The following SHROOM4 variants were observed in gnomAD, a reference collection of about 807,000 sequenced individuals.
SHROOM4 encodes protein Shroom4.
Under a neutral mutation model 80.3 loss-of-function variants are expected in SHROOM4, and 17 were observed. That is an observed-to-expected ratio of 0.21 (90% CI 0.14 to 0.32). The LOEUF is 0.32. SHROOM4 is among the 10% of genes least tolerant of loss of function. SHROOM4 has a pLI of 1.00. For missense variants in SHROOM4, 993 were observed against 1,140.3 expected (o/e 0.87, Z 1.86); for synonymous variants, 400 against 437.5 (o/e 0.91, Z 1.07).
intron 1 of SHROOM4, among the ~76,000 whole-genome samples, chrX:50,743,715 C>A (rs1468811469): frequency 1.8e-5 from 2 of 111,618 alleles, no homozygotes; most frequent in African/African-American, 6.5e-5. Context: ...CCTTGGCCTC[C>A]CAAAGTGCTG....
chrX:50,689,856 C>A (rs1557262525), intron 2 of SHROOM4, among the ~76,000 whole-genome samples: 1 of 111,804 alleles, frequency 8.9e-6, no homozygotes, highest in African/African-American at 3.2e-5. Flanking sequence ...TCATAGAATT[C>A]CATGTATATA....
intron 1 of SHROOM4, among the ~76,000 whole-genome samples, chrX:50,699,950 C>G (rs1465404817): frequency 1.8e-5 from 2 of 112,253 alleles, no homozygotes; most frequent in Non-Finnish European, 3.8e-5. Flanking sequence ...AGGAGAAACA[C>G]CATCTGCAGC....
At chrX:50,742,653 C>G (rs968655854) in intron 1 of SHROOM4, among the ~76,000 whole-genome samples, 1 of 95,171 alleles carries the variant, frequency 1.1e-5, no homozygotes, top group African/African-American at 4.2e-5. Flanking sequence ...GGGGGGGGGG[C>G]AATCACAGAA....
intron 2 of SHROOM4, among the ~76,000 whole-genome samples, chrX:50,651,519 T>G (rs150059509): frequency 0.013 from 1,410 of 111,713 alleles, 22 homozygotes; most frequent in African/African-American, 0.043. Flanking sequence ...GGAAAGAAAA[T>G]TCTGGGGACC....
intron 2 of SHROOM4, among the ~76,000 whole-genome samples, chrX:50,651,740 A>ACC (rs1932077807): frequency 2.1e-5 from 2 of 93,510 alleles, no homozygotes; most frequent in South Asian, 9.4e-4. Context: ...CTAGCCCCTT[A>ACC]ACCCCCGACA....
chrX:50,763,422 G>T (rs1569548690), intron 1 of SHROOM4, among the ~76,000 whole-genome samples: 1 of 110,982 alleles, frequency 9.0e-6, no homozygotes, highest in Admixed American at 9.7e-5. Flanking sequence ...TTGTACAATG[G>T]TCACACTATT....
chrX:50,744,782 T>C, intron 1 of SHROOM4, among the ~76,000 whole-genome samples: 1 of 112,205 alleles, frequency 8.9e-6, no homozygotes, highest in Non-Finnish European at 1.9e-5. Flanking sequence ...GCTTTTTCTC[T>C]ATTTCTCTTC....
At chrX:50,801,901 G>T (rs1490148432) in intron 1 of SHROOM4, among the ~76,000 whole-genome samples, 1 of 112,222 alleles carries the variant, frequency 8.9e-6, no homozygotes, top group East Asian at 2.8e-4. Flanking sequence ...CTTTTAGCAA[G>T]AAGTGACTTT....
At chrX:50,771,553 C>CTTCTG (rs1217971681) in intron 1 of SHROOM4, among the ~76,000 whole-genome samples, 1 of 111,669 alleles carries the variant, frequency 9.0e-6, no homozygotes, top group Non-Finnish European at 1.9e-5. Flanking sequence ...TTCTTCTAGC[C>CTTCTG]CATAAGGTCA....
At chrX:50,798,479 A>C (rs1936058885) in intron 1 of SHROOM4, among the ~76,000 whole-genome samples, 1 of 111,805 alleles carries the variant, frequency 8.9e-6, no homozygotes, top group Admixed American at 9.5e-5. Flanking sequence ...ATCATAGTTA[A>C]CAGTGGTATT....
chrX:50,618,860 C>T (rs1930453328), intron 5 of SHROOM4, among the ~76,000 whole-genome samples: 1 of 112,356 alleles, frequency 8.9e-6, no homozygotes, highest in Non-Finnish European at 1.9e-5. Flanking sequence ...CCTGCCTTGT[C>T]TGTCTCTGAG....
In SHROOM4 at chrX:50,738,940, G is replaced by T. The variant is rs145004532; in HGVS notation, c.118-43003C>A. On this transcript the variant is annotated intron_variant, in intron 1 of 8. Coordinates refer to ENST00000376020, the MANE Select transcript of SHROOM4 (RefSeq NM_020717.5). ...ACCTGACTTCAAACCATACTGCAAG[G>T]CTACAGTAACCAAAACAGCGTGGTA... Among the ~76,000 whole-genome samples the T allele has an allele frequency of 6.1e-3, 681 of 111,574 alleles. 8 individuals carry two copies. Among genetic ancestry groups the T allele is most frequent in the African/African-American group, 0.021 (646 of 30,704 alleles).
At chrX:50,657,491 CT>C (rs1318069302) in intron 2 of SHROOM4, among the ~76,000 whole-genome samples, 1 of 108,458 alleles carries the variant, frequency 9.2e-6, no homozygotes, top group South Asian at 3.9e-4. Flanking sequence ...TTGTGAAATT[CT>C]TTTTTTGTAT....
intron 1 of SHROOM4, among the ~76,000 whole-genome samples, chrX:50,696,370 T>C (rs1933369806): frequency 8.9e-6 from 1 of 111,972 alleles, no homozygotes; most frequent in South Asian, 3.7e-4. Flanking sequence ...CAAACGTAAG[T>C]TTGAATCCTG....
At chrX:50,600,661 T>C (rs782703835) in intron 7 of SHROOM4, among the ~76,000 whole-genome samples, 1 of 111,781 alleles carries the variant, frequency 8.9e-6, no homozygotes, top group South Asian at 3.8e-4. Context: ...AGTAATTTAA[T>C]TAGAGATGTC....
At chrX:50,686,893 T>C (rs1257190097) in intron 2 of SHROOM4, 2 of 111,783 alleles carry the variant, frequency 1.8e-5, no homozygotes, top group Non-Finnish European at 3.8e-5. Flanking sequence ...TTAATAAATA[T>C]CTTGTGAACA....
intron 2 of SHROOM4, among the ~76,000 whole-genome samples, chrX:50,673,944 T>A (rs782778749): frequency 1.6e-4 from 17 of 108,154 alleles, no homozygotes; most frequent in African/African-American, 5.4e-4. Flanking sequence ...AGCAATCACA[T>A]TTCTGTATAC....
chrX:50,811,993 A>G (rs1936340809), intron 1 of SHROOM4, among the ~76,000 whole-genome samples: 1 of 109,495 alleles, frequency 9.1e-6, no homozygotes, highest in African/African-American at 3.3e-5. Flanking sequence ...GCTGCCCCAT[A>G]CTTAGTAACA....
chrX:50,631,877 T>C (rs1931085277), intron 4 of SHROOM4, among the ~76,000 whole-genome samples: 1 of 112,033 alleles, frequency 8.9e-6, no homozygotes, highest in Admixed American at 9.5e-5. Flanking sequence ...ATGTACAAGA[T>C]TTGTATGCTG....
Sources: allele counts gnomAD v4.1 joint callset (sites outside exome capture counted in the v4.1 genomes callset), GRCh38; gene constraint gnomAD v4.1.1; transcripts MANE v1.5; gene names NCBI Gene and HGNC (gene_info 2026-07-23, HGNC 2026-07-21).